FAT3: variants seen among roughly 807,000 people sequenced by gnomAD.
The protein encoded by FAT3 is protocadherin Fat 3.
In FAT3, 95 loss-of-function variants were observed where a neutral mutation model predicts 310.2. The ratio of observed to expected loss-of-function variants is 0.31; its 90% CI spans 0.26 to 0.36. The LOEUF (loss-of-function observed/expected upper bound fraction) is 0.36. Ranked by LOEUF, FAT3 falls within the 10% of genes least tolerant of loss-of-function variation. The probability of loss-of-function intolerance (pLI) is 1.00; values close to 1 mark genes in which losing one functional copy is unlikely to be tolerated. For missense variants in FAT3, 5,408 were observed against 5,715.6 expected (o/e 0.95, Z 1.74); for synonymous variants, 2,314 against 2,192.9 (o/e 1.06, Z -1.54).
chr11:92,700,599 A>G (rs889596452), intron 4 of FAT3, among the ~76,000 whole-genome samples: 2 of 152,180 alleles, frequency 1.3e-5, no homozygotes, highest in African/African-American at 4.8e-5. Context: ...TAGCAACAGC[A>G]CACTGGCTTT....
At chr11:92,364,683 A>C (rs575878048) in intron 2 of FAT3, among the ~76,000 whole-genome samples, 1 of 152,324 alleles carries the variant, frequency 6.6e-6, no homozygotes, top group East Asian at 1.9e-4. Flanking sequence ...GAATCTACAA[A>C]GAGTTGTGTG....
chr11:92,837,729 A>G lies in FAT3; in HGVS notation c.10291A>G (p.Thr3431Ala), dbSNP rs149957554. The G allele has an allele frequency of 5.3e-4, 856 of 1,613,984 alleles. 6 individuals are homozygous for G. In the African/African-American group the frequency reaches 8.8e-3, roughly 17 times the overall value. The change falls in exon 17 of 28, where the codon ACT becomes GCT. Residue 3431 changes from threonine to alanine, a missense_variant. By Grantham distance (58) the Thr-to-Ala change is moderately conservative (BLOSUM62 0). Coordinates refer to ENST00000525166, the MANE Select transcript of FAT3 (RefSeq NM_001367949.2). The part of the protein sequence containing the change: ...SGIPAMSSTA[T>A]VNIDISDVND... ...CATTCCTGCAATGTCATCAACTGCA[A>G]CTGTCAACATTGATATTTCTGATGT...
intron 2 of FAT3, among the ~76,000 whole-genome samples, chr11:92,377,907 A>G (rs540254874): frequency 6.6e-6 from 1 of 152,308 alleles, no homozygotes; most frequent in Non-Finnish European, 1.5e-5. Context: ...TTTACCTCCG[A>G]GTACATGGGG....
chr11:92,888,433 C>T (rs1354613429), intron 25 of FAT3, among the ~76,000 whole-genome samples: 1 of 152,188 alleles, frequency 6.6e-6, no homozygotes, highest in Non-Finnish European at 1.5e-5. Context: ...ATGGGCTCTG[C>T]TGTGTGCACC....
intron 4 of FAT3, among the ~76,000 whole-genome samples, chr11:92,700,242 A>T (rs1485272224): frequency 6.6e-6 from 1 of 152,118 alleles, no homozygotes; most frequent in African/African-American, 2.4e-5. Context: ...TAGAATCAAG[A>T]CCACTGTGAT....
chr11:92,410,753 T>A (rs1950238854), intron 2 of FAT3, among the ~76,000 whole-genome samples: 1 of 152,076 alleles, frequency 6.6e-6, no homozygotes, highest in South Asian at 2.1e-4. Flanking sequence ...GCCAGGTCCT[T>A]ATTTGCTCAT....
Position 92,412,402 on chromosome 11 carries a change from A to ATTTTTTTTT in FAT3, c.3292+57009_3292+57017dup, listed in dbSNP as rs780298367. Among the ~76,000 whole-genome samples the ATTTTTTTTT allele has an allele frequency of 4.5e-3, 457 of 100,986 alleles. 15 individuals are homozygous for ATTTTTTTTT. Among genetic ancestry groups the ATTTTTTTTT allele is most frequent in the Middle Eastern group, 0.022 (3 of 138 alleles). The allele number at this position is 100,986 out of a possible 152,430, so 66.3% of individuals were successfully genotyped here. The stretch of plus-strand genomic sequence containing the variant: ...AGGCATGAGCCACCAGACCCGGCCT[A>ATTTTTTTTT]TTTTTTTTTTTTTTTTTTTGAGAGT... On this transcript the variant is annotated intron_variant, in intron 2 of 27. Transcript: ENST00000525166.
intron 1 of FAT3, among the ~76,000 whole-genome samples, chr11:92,324,440 G>C (rs1947712716): frequency 6.6e-6 from 1 of 152,154 alleles, no homozygotes; most frequent in Non-Finnish European, 1.5e-5. Context: ...CCATGTGTCA[G>C]GGAATAGGGA....
At chr11:92,732,275 C>G (rs999013938) in intron 4 of FAT3, among the ~76,000 whole-genome samples, 5 of 151,986 alleles carry the variant, frequency 3.3e-5, no homozygotes, top group Non-Finnish European at 7.4e-5. Flanking sequence ...ATAGAAAGAT[C>G]AAAATAAAAT....
chr11:92,588,391 A>G (rs1939258776), intron 3 of FAT3, among the ~76,000 whole-genome samples: 1 of 152,000 alleles, frequency 6.6e-6, no homozygotes, highest in South Asian at 2.1e-4. Flanking sequence ...TACACATGTA[A>G]CAGAATGTAC....
chr11:92,442,111 A>ATATATTTT (rs1453396603), intron 2 of FAT3, among the ~76,000 whole-genome samples: 1 of 45,222 alleles, frequency 2.2e-5, no homozygotes. Flanking sequence ...ATATATATAT[A>ATATATTTT]TTTTTTTTTT....
chr11:92,577,974 AATAC>A (rs1260506378), intron 3 of FAT3, among the ~76,000 whole-genome samples: 1 of 152,098 alleles, frequency 6.6e-6, no homozygotes, highest in African/African-American at 2.4e-5. Flanking sequence ...TGAACTAGAA[AATAC>A]ATACACTGAA....
At chr11:92,684,765 A>G (rs1324106935) in intron 3 of FAT3, among the ~76,000 whole-genome samples, 1 of 152,114 alleles carries the variant, frequency 6.6e-6, no homozygotes, top group Non-Finnish European at 1.5e-5. Context: ...CCCCTATCCC[A>G]TAGAGCCGGT....
chr11:92,896,075 ATG>A lies in FAT3; in HGVS notation c.*4966_*4967del, dbSNP rs1474783587. On this transcript the variant is annotated 3_prime_UTR_variant, in exon 28 of 28. Coordinates refer to ENST00000525166, the MANE Select transcript of FAT3 (RefSeq NM_001367949.2). ...TCTTTATTGACATTTGTAAAAAAGA[ATG>A]TGTTTTGCCCAGTTATTAAGTATTT... The A allele has an allele frequency of 1.3e-5, 2 of 152,304 alleles. No individual in the cohort carries two copies. The highest frequency in any genetic ancestry group is 1.9e-4 in the East Asian group (1 of 5,190). The allele number at this position is 152,304 out of a possible 1,614,324, so 9.4% of individuals were successfully genotyped here.
At position 92,524,882 on chromosome 11, in the gene FAT3, G is replaced by A. The variant is rs1953807071; in HGVS notation, c.3541G>A (p.Glu1181Lys). Reference sequence around the variant, plus strand: ...TGAAGATCCTGACTCCAGTTCCAATGAAAAACTGACATACAGGATTACAAG... The same window carrying A: ...TGAAGATCCTGACTCCAGTTCCAATAAAAAACTGACATACAGGATTACAAG... The part of the protein sequence containing the change: ...QAEDPDSSSN[E>K]KLTYRITSGN... Residue 1181 changes from glutamate (E) to lysine (K), a missense_variant, in exon 3 of 28, where the codon GAA becomes AAA. This residue lies in a region of FAT3 where 4,588 missense variants were observed against 4,809.8 expected (regional missense o/e 0.95). Transcript: ENST00000525166. 2 of 1,613,710 alleles carry A rather than the reference G, an allele frequency of 1.2e-6. No individual in the cohort carries two copies.
chr11:92,506,020 G>A (rs1310985316), intron 2 of FAT3, among the ~76,000 whole-genome samples: 2 of 152,106 alleles, frequency 1.3e-5, no homozygotes, highest in African/African-American at 4.8e-5. Context: ...TCCTCAGAAA[G>A]GCAGGACAGC....
intron 4 of FAT3, among the ~76,000 whole-genome samples, chr11:92,713,432 A>G (rs1944586012): frequency 6.6e-6 from 1 of 152,212 alleles, no homozygotes. Flanking sequence ...TAAAGTGCTC[A>G]ATTTTTTTTC....
At chr11:92,589,496 GT>G (rs1463907193) in intron 3 of FAT3, among the ~76,000 whole-genome samples, 1 of 152,060 alleles carries the variant, frequency 6.6e-6, no homozygotes, top group African/African-American at 2.4e-5. Flanking sequence ...GCAAATTTCA[GT>G]TTACAAATAC....
intron 3 of FAT3, among the ~76,000 whole-genome samples, chr11:92,650,415 T>C (rs1433004485): frequency 1.3e-5 from 2 of 152,192 alleles, no homozygotes; most frequent in Non-Finnish European, 2.9e-5. Context: ...ATACGCACTG[T>C]CCTTCTTATT....
Sources: allele counts gnomAD v4.1 joint callset (sites outside exome capture counted in the v4.1 genomes callset), GRCh38; gene constraint gnomAD v4.1.1; regional missense constraint gnomAD v4.1.1; transcripts MANE v1.5; gene names NCBI Gene and HGNC (gene_info 2026-07-23, HGNC 2026-07-21).